Variants in VEPH1 observed in about 807,000 individuals in gnomAD.
VEPH1 encodes ventricular zone-expressed PH domain-containing protein homolog 1.
In VEPH1, 80 loss-of-function variants were observed where a neutral mutation model predicts 85.2. That is an observed-to-expected ratio of 0.94 (90% confidence interval 0.78 to 1.13). The LOEUF is 1.13. Ranked by LOEUF, VEPH1 falls within the 50% of genes most tolerant of loss-of-function variation. VEPH1 has a pLI of 0.00. For synonymous variants in VEPH1, 297 were observed against 348.0 expected, an observed-to-expected ratio of 0.85 and a Z score of 1.63; for missense variants, 955 against 980.5, an observed-to-expected ratio of 0.97 and a Z score of 0.35.
intron 9 of VEPH1, among the ~76,000 whole-genome samples, chr3:157,339,762 G>T (rs1723327545): frequency 6.6e-6 from 1 of 152,130 alleles, no homozygotes; most frequent in Admixed American, 6.5e-5. Flanking sequence ...TATTGAAAAA[G>T]AGAAGGGGAA....
rs374254464 is a variant in VEPH1, at chr3:157,414,010, T to C, written c.777A>G (p.Ile259Met). The C allele has an allele frequency of 6.2e-7, 1 of 1,613,236 alleles. No individual in the cohort carries two copies. The highest frequency in any genetic ancestry group is 8.5e-7 in the Non-Finnish European group (1 of 1,179,370). ...THNDIILNIL[I>M]EIAVYEPVAL... ...CCACTGGCTCATAGACTGCTATCTC[T>C]ATGAGGATGTTTAGGATGATGTCAT... is the stretch of plus-strand genomic sequence containing the variant. Residue 259 changes from isoleucine to methionine, a missense_variant, in exon 6 of 14, where the codon ATA becomes ATG. Ile to Met is a conservative substitution (Grantham distance 10). Coordinates refer to ENST00000362010, the MANE Select transcript of VEPH1 (RefSeq NM_001167912.2).
At chr3:157,444,627 C>T (rs995648132) in intron 4 of VEPH1, among the ~76,000 whole-genome samples, 1 of 152,176 alleles carries the variant, frequency 6.6e-6, no homozygotes, top group Non-Finnish European at 1.5e-5. Flanking sequence ...AGAAGGAAAA[C>T]TAGACCCAAA....
chr3:157,316,776 GT>G (rs1720797849), intron 10 of VEPH1, among the ~76,000 whole-genome samples: 1 of 152,032 alleles, frequency 6.6e-6, no homozygotes, highest in Non-Finnish European at 1.5e-5. Context: ...CAAATACGCT[GT>G]TTTTGCTGTT....
intron 9 of VEPH1, among the ~76,000 whole-genome samples, chr3:157,330,889 T>C (rs1352823081): frequency 1.3e-5 from 2 of 152,208 alleles, no homozygotes; most frequent in African/African-American, 2.4e-5. Context: ...AAGATGGAGA[T>C]ACATAAACAG....
intron 4 of VEPH1, among the ~76,000 whole-genome samples, chr3:157,441,267 C>T (rs1232043694): frequency 6.6e-6 from 1 of 152,182 alleles, no homozygotes; most frequent in Non-Finnish European, 1.5e-5. Flanking sequence ...TACTGCTTAT[C>T]AGCTATGTAA....
intron 7 of VEPH1, among the ~76,000 whole-genome samples, chr3:157,368,475 A>AGTTT (rs1161487006): frequency 9.4e-6 from 1 of 106,452 alleles, no homozygotes; most frequent in Non-Finnish European, 1.9e-5. Context: ...ATAAACAATA[A>AGTTT]GTTTTTTGTT....
At chr3:157,459,230 G>A (rs1735624069) in intron 4 of VEPH1, among the ~76,000 whole-genome samples, 1 of 152,170 alleles carries the variant, frequency 6.6e-6, no homozygotes, top group Non-Finnish European at 1.5e-5. Context: ...GCATGGCAGT[G>A]GCCTTAGGGT....
At chr3:157,267,447 C>T (rs966517734) in intron 12 of VEPH1, among the ~76,000 whole-genome samples, 2 of 151,310 alleles carry the variant, frequency 1.3e-5, no homozygotes, top group African/African-American at 2.4e-5. Flanking sequence ...TTTTTTTTTC[C>T]GGATGACTAT....
intron 9 of VEPH1, among the ~76,000 whole-genome samples, chr3:157,355,445 G>T (rs773782962): frequency 1.3e-5 from 2 of 152,206 alleles, no homozygotes; most frequent in Non-Finnish European, 2.9e-5. Flanking sequence ...CCTCAAGTTT[G>T]AGAGACCAGG....
At chr3:157,359,592 C>T (rs944484800) in intron 9 of VEPH1, among the ~76,000 whole-genome samples, 7 of 152,168 alleles carry the variant, frequency 4.6e-5, no homozygotes, top group African/African-American at 1.4e-4. Context: ...TCTATTTATA[C>T]TCTATTGCCT....
At chr3:157,492,444 T>G (rs1739303461) in intron 2 of VEPH1, among the ~76,000 whole-genome samples, 1 of 152,160 alleles carries the variant, frequency 6.6e-6, no homozygotes, top group African/African-American at 2.4e-5. Flanking sequence ...GATCTGACAG[T>G]TGATGGCTAC....
At chr3:157,273,023 TAG>T (rs1200314069) in intron 12 of VEPH1, among the ~76,000 whole-genome samples, 1 of 152,148 alleles carries the variant, frequency 6.6e-6, no homozygotes, top group East Asian at 1.9e-4. Context: ...AGAAAGGAGT[TAG>T]AGGGGGAAAA....
At chr3:157,284,178 G>A (rs976830272) in intron 12 of VEPH1, among the ~76,000 whole-genome samples, 1 of 152,110 alleles carries the variant, frequency 6.6e-6, no homozygotes, top group Non-Finnish European at 1.5e-5. Flanking sequence ...AACATTCAAG[G>A]AATATTTGAC....
At chr3:157,354,933 A>G (rs548784939) in intron 9 of VEPH1, among the ~76,000 whole-genome samples, 8 of 152,264 alleles carry the variant, frequency 5.3e-5, no homozygotes, top group African/African-American at 1.9e-4. Context: ...CTTTTCTCTC[A>G]GGATAGAGCC....
At chr3:157,284,225 T>C (rs747565178) in intron 12 of VEPH1, among the ~76,000 whole-genome samples, 2 of 152,216 alleles carry the variant, frequency 1.3e-5, no homozygotes, top group Non-Finnish European at 2.9e-5. Flanking sequence ...CATTCATTCA[T>C]TCACTCACTC....
intron 13 of VEPH1, among the ~76,000 whole-genome samples, chr3:157,263,730 C>T (rs1713229921): frequency 6.6e-6 from 1 of 152,136 alleles, no homozygotes; most frequent in Non-Finnish European, 1.5e-5. Context: ...TATTCTTTTT[C>T]ATTCAAAAAG....
chr3:157,422,350 CT>C (rs1436500851), intron 5 of VEPH1, among the ~76,000 whole-genome samples: 2 of 152,214 alleles, frequency 1.3e-5, no homozygotes, highest in African/African-American at 4.8e-5. Context: ...TCTTAAAAAC[CT>C]CTCCAAACAT....
chr3:157,478,946 A>G (rs932453889), intron 2 of VEPH1, among the ~76,000 whole-genome samples: 6 of 152,216 alleles, frequency 3.9e-5, no homozygotes, highest in Admixed American at 3.9e-4. Flanking sequence ...TGAAGAAAAA[A>G]TTCTCCAAAA....
intron 2 of VEPH1, among the ~76,000 whole-genome samples, chr3:157,492,454 C>T (rs148511584): frequency 9.1e-4 from 139 of 152,236 alleles, no homozygotes; most frequent in African/African-American, 3.3e-3. Flanking sequence ...TTGATGGCTA[C>T]AACATGAGGT....
Sources: allele counts gnomAD v4.1 joint callset (sites outside exome capture counted in the v4.1 genomes callset), GRCh38; gene constraint gnomAD v4.1.1; transcripts MANE v1.5; gene names NCBI Gene and HGNC (gene_info 2026-07-23, HGNC 2026-07-21).